The following FMN2 variants were observed in gnomAD, a reference collection of about 807,000 sequenced individuals.
The protein encoded by FMN2 is formin-2.
A neutral mutation model predicts 142.3 loss-of-function variants in FMN2; 51 were observed. The observed-to-expected ratio is 0.36, with a 90% confidence interval of 0.29 to 0.45. The LOEUF (loss-of-function observed/expected upper bound fraction) is 0.45. Ranked by LOEUF, FMN2 falls within the 20% of genes least tolerant of loss-of-function variation. The probability of loss-of-function intolerance (pLI) is 1.00; values close to 1 mark genes in which losing one functional copy is unlikely to be tolerated. For missense variants in FMN2, 1,936 were observed against 2,122.8 expected (o/e 0.91, Z 1.73); for synonymous variants, 882 against 869.8 (o/e 1.01, Z -0.25).
At chr1:240,124,349 T>A (rs1662414533) in intron 2 of FMN2, among the ~76,000 whole-genome samples, 1 of 152,164 alleles carries the variant, frequency 6.6e-6, no homozygotes, top group African/African-American at 2.4e-5. Flanking sequence ...TCCTAACTCA[T>A]GTTTGTGTGA....
At chr1:240,205,607 A>G (rs1267418460) in intron 4 of FMN2, among the ~76,000 whole-genome samples, 4 of 150,766 alleles carry the variant, frequency 2.7e-5, no homozygotes, top group Non-Finnish European at 4.4e-5. Flanking sequence ...GACTACAGGC[A>G]CCCGCCACCA....
rs1269078279 is a variant in FMN2 at position 240,148,221 on chromosome 1, CAGAG to C, written c.1782+24880_1782+24883del. Among the ~76,000 whole-genome samples, 4 of 85,640 alleles carry C rather than the reference CAGAG, an allele frequency of 4.7e-5. 1 individual carries two copies. Among genetic ancestry groups the C allele is most frequent in the Non-Finnish European group, 1.1e-4 (4 of 36,930 alleles). 56.2% of individuals were successfully genotyped at this position (85,640 alleles called of 152,430 possible). ...AGAGACAGAGAGAGAGAGACAGAGA[CAGAG>C]AGACAGAGACCGAGAGAGACAAACA... On this transcript the variant is annotated intron_variant, in intron 2 of 17. Transcript: ENST00000319653.
intron 5 of FMN2, 39 bp downstream of exon 5, chr1:240,208,771 CAGTATT>C: frequency 6.4e-7 from 1 of 1,565,612 alleles, no homozygotes; most frequent in Non-Finnish European, 8.7e-7. Flanking sequence ...CAGTGTGTGT[CAGTATT>C]AGGGAAGTGT....
Position 240,255,610 on chromosome 1 carries a change from A to AG in FMN2, c.4066-2333dup, listed in dbSNP as rs1272306376. Among the ~76,000 whole-genome samples the AG allele has an allele frequency of 9.9e-5, 15 of 152,270 alleles. No homozygotes were observed. In the South Asian group the frequency reaches 3.1e-3, roughly 32 times the overall value. ...AGACCAGAGTATGCAGGTGAAGGGG[A>AG]GGTAGGAGTCTTGACTGGTTTCTAG... On this transcript the variant is annotated intron_variant, in intron 6 of 17. Transcript: ENST00000319653.
intron 15 of FMN2, among the ~76,000 whole-genome samples, chr1:240,429,706 T>A (rs1675073382): frequency 6.6e-6 from 1 of 152,152 alleles, no homozygotes; most frequent in South Asian, 2.1e-4. Context: ...GTCACTTATT[T>A]TTTTAGAGGA....
rs1671305000 is a variant in FMN2 at position 240,329,409 on chromosome 1, T to C, written c.4378T>C (p.Phe1460Leu). The C allele has an allele frequency of 6.2e-7, 1 of 1,614,100 alleles. No individual in the cohort carries two copies. Among genetic ancestry groups the C allele is most frequent in the East Asian group, 2.2e-5 (1 of 44,872 alleles). ...CTTTTGCATCCTGTTCCAGTCCACA[T>C]TTTCAGAAAGCATTTGCTCAATTCG... ...RVFCILFQST[F>L]SESICSIRRK... The change falls in exon 10 of 18, where the codon TTT (phenylalanine) becomes CTT (leucine). Residue 1460 changes from phenylalanine (F) to leucine (L), a missense_variant. Around this residue, in one of 8 missense-constraint regions of FMN2, gnomAD observed 322 missense variants for 401.6 expected, o/e 0.80. Transcript: ENST00000319653.
At chr1:240,286,561 A>G (rs1167938064) in intron 7 of FMN2, among the ~76,000 whole-genome samples, 1 of 152,172 alleles carries the variant, frequency 6.6e-6, no homozygotes, top group Non-Finnish European at 1.5e-5. Flanking sequence ...AACTGAGTAG[A>G]GCTGGCTTCC....
At chr1:240,387,485 G>A (rs897338274) in intron 14 of FMN2, among the ~76,000 whole-genome samples, 1 of 152,146 alleles carries the variant, frequency 6.6e-6, no homozygotes, top group Admixed American at 6.5e-5. Context: ...GTGGGGAGGG[G>A]ACTAAGGAGC....
In FMN2 at chr1:240,206,723, A is replaced by G. The variant is rs543209991; in HGVS notation, c.1987-76A>G. 169 of 1,483,918 alleles carry G rather than the reference A, an allele frequency of 1.1e-4. No homozygotes were observed. The African/African-American group carries it at 1.6e-3, about 14-fold the overall frequency. 91.9% of individuals were successfully genotyped at this position (1,483,918 alleles called of 1,614,324 possible). On this transcript the variant is annotated intron_variant, in intron 4 of 17. Coordinates refer to ENST00000319653, the MANE Select transcript of FMN2 (RefSeq NM_020066.5). ...TGGAAGTATGACAACAAACAGATAT[A>G]ATTTTGCTTAATTTTTTGCTATTTG... is the stretch of plus-strand genomic sequence containing the variant.
chr1:240,300,054 C>T (rs1670144266), intron 8 of FMN2, among the ~76,000 whole-genome samples: 1 of 152,176 alleles, frequency 6.6e-6, no homozygotes, highest in Admixed American at 6.5e-5. Flanking sequence ...ACTATTTCAT[C>T]TCCATGTGAC....
intron 2 of FMN2, among the ~76,000 whole-genome samples, chr1:240,123,578 G>T (rs1477502841): frequency 6.6e-6 from 1 of 150,578 alleles, no homozygotes; most frequent in Non-Finnish European, 1.5e-5. Context: ...TTTCTTGACA[G>T]ATGGTCACTC....
At chr1:240,098,760 T>C (rs1384349127) in intron 1 of FMN2, among the ~76,000 whole-genome samples, 1 of 152,188 alleles carries the variant, frequency 6.6e-6, no homozygotes, top group South Asian at 2.1e-4. Flanking sequence ...GTGGTTTGGA[T>C]TGAAGTCAAG....
At chr1:240,171,786 A>C (rs192533708) in intron 2 of FMN2, among the ~76,000 whole-genome samples, 26 of 152,328 alleles carry the variant, frequency 1.7e-4, no homozygotes, top group African/African-American at 6.3e-4. Flanking sequence ...ATGGGGAAAT[A>C]GCTGCTAAAA....
At chr1:240,202,594 C>A (rs1344248614) in intron 4 of FMN2, among the ~76,000 whole-genome samples, 1 of 152,032 alleles carries the variant, frequency 6.6e-6, no homozygotes, top group Non-Finnish European at 1.5e-5. Context: ...TCTCAAGTAG[C>A]TAGGACTACA....
chr1:240,172,201 T>TACACATACACACACAC (rs1553336375), intron 2 of FMN2, among the ~76,000 whole-genome samples: 29 of 147,128 alleles, frequency 2.0e-4, no homozygotes, highest in African/African-American at 7.7e-4. Context: ...CACATACACA[T>TACACATACACACACAC]ACACACACAC....
intron 2 of FMN2, chr1:240,143,483 TTTCC>T: frequency 6.5e-7 from 1 of 1,549,340 alleles, no homozygotes; most frequent in Non-Finnish European, 8.9e-7. Context: ...TTGTCCTTCT[TTTCC>T]TTCTTGCCTT....
intron 14 of FMN2, among the ~76,000 whole-genome samples, chr1:240,380,719 A>G (rs1673196048): frequency 1.3e-5 from 2 of 151,826 alleles, no homozygotes; most frequent in African/African-American, 4.8e-5. Context: ...ACTAGTTAAA[A>G]AAAAAAAAAA....
At chr1:240,173,431 T>C (rs1394561135) in intron 2 of FMN2, among the ~76,000 whole-genome samples, 1 of 152,202 alleles carries the variant, frequency 6.6e-6, no homozygotes, top group Admixed American at 6.5e-5. Flanking sequence ...ACAGGTGTGC[T>C]GAGTTAGCTG....
At chr1:240,252,362 T>C (rs1346092588) in intron 6 of FMN2, among the ~76,000 whole-genome samples, 9 of 152,222 alleles carry the variant, frequency 5.9e-5, no homozygotes, top group Admixed American at 2.6e-4. Context: ...GGTTTTATAC[T>C]TTTGCATGCT....
Sources: gnomAD v4.1 joint callset for allele counts (sites outside exome capture counted in the v4.1 genomes callset) on GRCh38, gnomAD v4.1.1 for gene constraint, gnomAD v4.1.1 regional missense constraint, MANE v1.5 for transcripts, NCBI Gene and HGNC (gene_info 2026-07-23, HGNC 2026-07-21) for gene names.